FGF13: variants seen among roughly 807,000 people sequenced by gnomAD.
The protein encoded by FGF13 is fibroblast growth factor 13.
A neutral mutation model predicts 19.5 loss-of-function variants in FGF13; 2 were observed. The observed-to-expected ratio is 0.10, with a 90% CI of 0.04 to 0.32. FGF13 has a LOEUF of 0.32. Ranked by LOEUF, FGF13 falls within the 10% of genes least tolerant of loss-of-function variation. The pLI is 1.00. For missense variants in FGF13, 113 were observed against 192.7 expected, an observed-to-expected ratio of 0.59 and a Z score of 2.45; for synonymous variants, 72 against 76.9, an observed-to-expected ratio of 0.94 and a Z score of 0.33.
At chrX:138,727,631 T>G (rs758852820) in intron 1 of FGF13, among the ~76,000 whole-genome samples, 1 of 111,520 alleles carries the variant, frequency 9.0e-6, no homozygotes, top group South Asian at 3.8e-4. Context: ...TAGAAATACA[T>G]AGGATATCAA....
At chrX:139,079,439 T>TGGC (rs1476496250) in intron 1 of FGF13, among the ~76,000 whole-genome samples, 1 of 110,723 alleles carries the variant, frequency 9.0e-6, no homozygotes, top group African/African-American at 3.3e-5. Flanking sequence ...AGAAGAGGAA[T>TGGC]GGCCCCAAAG....
At chrX:138,654,685 G>A (rs775217107) in intron 3 of FGF13, among the ~76,000 whole-genome samples, 14 of 111,288 alleles carry the variant, frequency 1.3e-4, no homozygotes, top group Non-Finnish European at 2.4e-4. Context: ...AGGTTGCAAT[G>A]AGCTGGGATT....
intron 1 of FGF13, among the ~76,000 whole-genome samples, chrX:138,924,539 G>T (rs7058215): frequency 3.6e-5 from 4 of 111,905 alleles, no homozygotes; most frequent in African/African-American, 1.3e-4. Flanking sequence ...AATAAATAAG[G>T]TAATTTTAGA....
chrX:138,949,975 G>A, intron 1 of FGF13, among the ~76,000 whole-genome samples: 1 of 111,645 alleles, frequency 9.0e-6, no homozygotes, highest in Non-Finnish European at 1.9e-5. Context: ...AGCAGTGGTA[G>A]CATTAGCAGA....
chrX:138,921,241 A>G (rs1222336135), intron 1 of FGF13, among the ~76,000 whole-genome samples: 1 of 111,467 alleles, frequency 9.0e-6, no homozygotes, highest in Non-Finnish European at 1.9e-5. Context: ...TCCTAGAGGG[A>G]ATTAAGAGGT....
chrX:139,058,488 T>C (rs1331420904), intron 1 of FGF13, among the ~76,000 whole-genome samples: 2 of 111,478 alleles, frequency 1.8e-5, no homozygotes, highest in Non-Finnish European at 3.8e-5. Flanking sequence ...CTCATAAACC[T>C]CCACAGTCAC....
At chrX:138,971,262 G>A (rs2091914421) in intron 1 of FGF13, among the ~76,000 whole-genome samples, 1 of 112,073 alleles carries the variant, frequency 8.9e-6, no homozygotes, top group South Asian at 3.7e-4. Context: ...AATGGGAACA[G>A]TATCTACCTC....
chrX:138,680,067 C>G (rs1282512070), intron 3 of FGF13, among the ~76,000 whole-genome samples: 1 of 112,234 alleles, frequency 8.9e-6, no homozygotes, highest in Non-Finnish European at 1.9e-5. Context: ...CTTTGCTCAT[C>G]CACAAGAAAC....
At chrX:138,692,385 C>T (rs1234729873) in intron 3 of FGF13, among the ~76,000 whole-genome samples, 1 of 105,570 alleles carries the variant, frequency 9.5e-6, no homozygotes, top group East Asian at 3.0e-4. Context: ...TTTTGTTGAG[C>T]TGTTTTTTTT....
At chrX:138,996,289 T>C (rs1357577708) in intron 1 of FGF13, among the ~76,000 whole-genome samples, 2 of 112,185 alleles carry the variant, frequency 1.8e-5, no homozygotes, top group African/African-American at 6.5e-5. Context: ...AGGGAAGCCG[T>C]GAGAGACTTC....
intron 3 of FGF13, among the ~76,000 whole-genome samples, chrX:138,665,477 G>C (rs186911199): frequency 1.4e-4 from 16 of 111,417 alleles, no homozygotes; most frequent in African/African-American, 4.9e-4. Context: ...AATAATTTTG[G>C]AAGATTTTGT....
chrX:138,929,874 G>GTGTT (rs1403063857), intron 1 of FGF13, among the ~76,000 whole-genome samples: 1 of 107,663 alleles, frequency 9.3e-6, no homozygotes, highest in African/African-American at 3.4e-5. Context: ...GTGTGTGTGT[G>GTGTT]TGTGTGTGTG....
intron 3 of FGF13, among the ~76,000 whole-genome samples, chrX:138,785,004 T>C (rs2124365025): frequency 8.9e-6 from 1 of 112,176 alleles, no homozygotes; most frequent in South Asian, 3.7e-4. Context: ...GCCTGAACAG[T>C]CTACTACACT....
At chrX:138,930,292 A>G (rs1051726281) in intron 1 of FGF13, among the ~76,000 whole-genome samples, 2 of 112,606 alleles carry the variant, frequency 1.8e-5, no homozygotes, top group African/African-American at 6.5e-5. Context: ...TAAAGTAATG[A>G]TTCTATTTGA....
intron 1 of FGF13, among the ~76,000 whole-genome samples, chrX:139,178,168 C>T (rs1371494585): frequency 8.9e-6 from 1 of 112,257 alleles, no homozygotes. Flanking sequence ...GCCATCTTGC[C>T]AGCCACCTCA....
At position 138,846,545 on chromosome X, in the gene FGF13, T is replaced by C. The variant is rs745546759; in HGVS notation, c.217+10967A>G. 5.3e-5 allele frequency among the ~76,000 whole-genome samples: 6 copies of C among 112,392 alleles called. No homozygotes were observed. The East Asian group carries it at 1.4e-3, about 27-fold the overall frequency. On this transcript the variant is annotated intron_variant, in intron 3 of 6. Coordinates refer to the FGF13 transcript ENST00000436198. Reference sequence around the variant, plus strand: ...GTAAAAAGGATGCCACCTCTCTCAGTGCTGGCTCCAGCATTGCCTTCTGCC... The same window carrying C: ...GTAAAAAGGATGCCACCTCTCTCAGCGCTGGCTCCAGCATTGCCTTCTGCC...
At chrX:139,098,049 C>T (rs1002092951) in intron 1 of FGF13, among the ~76,000 whole-genome samples, 47 of 111,146 alleles carry the variant, frequency 4.2e-4, no homozygotes, top group African/African-American at 1.5e-3. Context: ...TCACCATAAA[C>T]ATTAGAAACA....
intron 3 of FGF13, among the ~76,000 whole-genome samples, chrX:138,803,944 A>G (rs2090847757): frequency 8.9e-6 from 1 of 111,936 alleles, no homozygotes; most frequent in Admixed American, 9.5e-5. Flanking sequence ...ATGCAGTGGC[A>G]GCATAGCGTG....
intron 1 of FGF13, among the ~76,000 whole-genome samples, chrX:138,991,042 A>AGGCC (rs1362182435): frequency 3.6e-5 from 4 of 111,952 alleles, no homozygotes; most frequent in Non-Finnish European, 7.5e-5. Flanking sequence ...TGGAGGCTCC[A>AGGCC]GGCCCAGTGC....
Sources: gnomAD v4.1 joint callset for allele counts (sites outside exome capture counted in the v4.1 genomes callset) on GRCh38, gnomAD v4.1.1 for gene constraint, MANE v1.5 for transcripts, NCBI Gene and HGNC (gene_info 2026-07-23, HGNC 2026-07-21) for gene names.